The following LSS variants were observed in gnomAD, a reference collection of about 807,000 sequenced individuals.
LSS encodes 2,3-epoxysqualene-lanosterol cyclase.
A neutral mutation model predicts 110.3 loss-of-function variants in LSS; 90 were observed. That is an observed-to-expected ratio of 0.82 (90% CI 0.69 to 0.97). The LOEUF (loss-of-function observed/expected upper bound fraction) is 0.97. Among genes scored for constraint, LSS ranks in the 50% least tolerant of loss-of-function variants. The pLI is 0.00. For synonymous variants in LSS, 433 were observed against 400.0 expected, an observed-to-expected ratio of 1.08 and a Z score of -0.98; for missense variants, 927 against 990.0, an observed-to-expected ratio of 0.94 and a Z score of 0.85.
chr21:46,203,592 G>A (rs1236095699), intron 17 of LSS, among the ~76,000 whole-genome samples: 1 of 152,214 alleles, frequency 6.6e-6, no homozygotes, highest in Non-Finnish European at 1.5e-5. Flanking sequence ...TTTTTTAAAA[G>A]GCCAATTCTC....
rs901652946 is a variant in LSS, at chr21:46,188,986, C to G, written c.*2118G>C. The G allele has an allele frequency of 2.8e-6, 1 of 351,904 alleles. No individual in the cohort carries two copies. Among genetic ancestry groups the G allele is most frequent in the Non-Finnish European group, 5.7e-6 (1 of 176,848 alleles). 21.8% of individuals were successfully genotyped at this position (351,904 alleles called of 1,614,324 possible). ...TTCCCTCAGGTAACTGGAGACGCAC[C>G]CTGCTACTCCTCACGTCACTCTTGT... On this transcript the variant is annotated 3_prime_UTR_variant, in exon 22 of 22. Coordinates refer to ENST00000397728, the MANE Select transcript of LSS (RefSeq NM_002340.6).
intron 3 of LSS, among the ~76,000 whole-genome samples, chr21:46,225,705 GTCTC>G (rs984084469): frequency 3.3e-5 from 5 of 151,130 alleles, no homozygotes; most frequent in South Asian, 2.1e-4. Flanking sequence ...GGCATAAGCT[GTCTC>G]TCTCTCTCTC....
At position 46,222,238 on chromosome 21, in the gene LSS, T is replaced by C. The variant is rs1310802337; in HGVS notation, c.429-263A>G. 4 of 546,450 alleles carry C rather than the reference T, an allele frequency of 7.3e-6. No homozygotes were observed. The African/African-American group carries it at 7.6e-5, about 10-fold the overall frequency. The allele number at this position is 546,450 out of a possible 1,614,324, so 33.9% of individuals were successfully genotyped here. A position where few individuals can be genotyped will look rare whatever the true frequency, so the allele number is the denominator to read the frequency against. ...CCACGCCTGAGTCAACACTTCTAGCTCAAGGGCGGTCCACTTTGGGCTATG... is the reference window on the plus strand; with the variant it reads ...CCACGCCTGAGTCAACACTTCTAGCCCAAGGGCGGTCCACTTTGGGCTATG... On this transcript the variant is annotated intron_variant, in intron 4 of 21. Transcript: ENST00000397728.
intron 3 of LSS, among the ~76,000 whole-genome samples, chr21:46,225,944 C>T (rs764519043): frequency 6.6e-6 from 1 of 152,132 alleles, no homozygotes; most frequent in Non-Finnish European, 1.5e-5. Flanking sequence ...TCTTTCATCT[C>T]TCTGTCTTGT....
At chr21:46,210,947 C>T (rs1426071938) in intron 11 of LSS, among the ~76,000 whole-genome samples, 2 of 152,138 alleles carry the variant, frequency 1.3e-5, no homozygotes, top group African/African-American at 2.4e-5. Context: ...AGACACACGT[C>T]GGGGAGACTC....
At position 46,206,858 on chromosome 21, in the gene LSS, T is replaced by C; in HGVS notation, c.1468-90A>G. ...CAGCGGAACTCTCTAGAGGCAACAC[T>C]AGGGCTGACAACCGATGGGGCAGGA... On this transcript the variant is annotated intron_variant, in intron 15 of 21. Coordinates refer to ENST00000397728, the MANE Select transcript of LSS (RefSeq NM_002340.6). 3 of 927,382 alleles carry C rather than the reference T, an allele frequency of 3.2e-6. No individual in the cohort carries two copies. The South Asian group carries it at 3.9e-5, about 12-fold the overall frequency. 57.4% of individuals were successfully genotyped at this position (927,382 alleles called of 1,614,324 possible).
In LSS at chr21:46,191,791, A is replaced by G. The variant is rs1301743625; in HGVS notation, c.2067+90T>C. 6.2e-6 allele frequency: 7 copies of G among 1,136,486 alleles called. 1 individual carries two copies. The East Asian group carries it at 1.8e-4, about 29-fold the overall frequency. The allele number at this position is 1,136,486 out of a possible 1,614,324, so 70.4% of individuals were successfully genotyped here. On this transcript the variant is annotated intron_variant, in intron 21 of 21. Coordinates refer to ENST00000397728, the MANE Select transcript of LSS (RefSeq NM_002340.6). ...CCTCCCAAGTGTCCAAAGTACCCCA[A>G]AAAGGACACAGAGCAGGGGGACGTG... is the stretch of plus-strand genomic sequence containing the variant.
intron 12 of LSS, among the ~76,000 whole-genome samples, chr21:46,210,103 G>A (rs549676307): frequency 4.7e-3 from 549 of 117,904 alleles, no homozygotes; most frequent in Non-Finnish European, 7.3e-3. Context: ...GCCTCTCTCT[G>A]TCACCCAGGC....
intron 11 of LSS, among the ~76,000 whole-genome samples, 192 bp downstream of exon 11, chr21:46,212,833 A>C (rs1001816903): frequency 6.6e-6 from 1 of 152,202 alleles, no homozygotes; most frequent in African/African-American, 2.4e-5. Context: ...AGACATCGAG[A>C]ACGGTGGGCA....
chr21:46,208,997 G>T (rs1188207613), intron 13 of LSS, among the ~76,000 whole-genome samples: 2 of 152,320 alleles, frequency 1.3e-5, no homozygotes, highest in South Asian at 4.1e-4. Context: ...GCCGGGACAG[G>T]GTGTGGGAGA....
At chr21:46,210,820 G>A in intron 11 of LSS, 76 bp from the exon 12 acceptor site, 1 of 1,397,266 alleles carries the variant, frequency 7.2e-7, no homozygotes, top group Non-Finnish European at 1.0e-6. Context: ...GGATCCAATG[G>A]GCGCCTGAGG....
chr21:46,192,155 G>C, intron 20 of LSS, 196 bp from the exon 21 acceptor site: 1 of 620,108 alleles, frequency 1.6e-6, no homozygotes, highest in East Asian at 2.7e-5. Flanking sequence ...TAGGCTCCCT[G>C]AGAAGCGGAG....
At chr21:46,199,315 G>GGA (rs1412888961) in intron 17 of LSS, among the ~76,000 whole-genome samples, 2 of 152,196 alleles carry the variant, frequency 1.3e-5, no homozygotes, top group Non-Finnish European at 2.9e-5. Flanking sequence ...ATTGAAACAA[G>GGA]GAGATACCAC....
intron 17 of LSS, among the ~76,000 whole-genome samples, chr21:46,199,296 G>C (rs946052677): frequency 6.6e-6 from 1 of 152,206 alleles, no homozygotes; most frequent in Non-Finnish European, 1.5e-5. Flanking sequence ...TGTCATTAGG[G>C]AATTGCAAAT....
intron 2 of LSS, 113 bp downstream of exon 2, chr21:46,228,321 G>T: frequency 7.8e-7 from 1 of 1,275,574 alleles, no homozygotes; most frequent in Non-Finnish European, 1.1e-6. Flanking sequence ...CTCGCCTTGG[G>T]GATGGGCGTC....
chr21:46,215,290 TGAG>T lies in LSS; in HGVS notation c.898_900del (p.Leu300del), dbSNP rs1234063278. The T allele has an allele frequency of 6.2e-7, 1 of 1,606,464 alleles. No individual in the cohort carries two copies. Among genetic ancestry groups the T allele is most frequent in the African/African-American group, 1.3e-5 (1 of 74,798 alleles). Reference sequence around the variant, plus strand: ...GCACTGTGGTGGTGCTCATACAGGTTGAGGAGCGCTACAGGGGACAGGGGTCAG... The same window carrying T: ...GCACTGTGGTGGTGCTCATACAGGTTGAGCGCTACAGGGGACAGGGGTCAG... On this transcript the variant is annotated inframe_deletion, in exon 9 of 22. Transcript: ENST00000397728.
In LSS at chr21:46,189,057, C is replaced by G. The variant is rs957604262; in HGVS notation, c.*2047G>C. 2 of 277,214 alleles carry G rather than the reference C, an allele frequency of 7.2e-6. No homozygotes were observed. The highest frequency in any genetic ancestry group is 1.4e-5 in the Non-Finnish European group (2 of 139,284). 17.2% of individuals were successfully genotyped at this position (277,214 alleles called of 1,614,324 possible). ...TCCCACTCGCCCCACAGGCAGGTGA[C>G]GTATGACAGCCAGAAACCCCAAATC... On this transcript the variant is annotated 3_prime_UTR_variant, in exon 22 of 22. Coordinates refer to ENST00000397728, the MANE Select transcript of LSS (RefSeq NM_002340.6).
rs746148439 is a variant in LSS at position 46,228,463 on chromosome 21, G to A, written c.151C>T (p.Leu51=). ...TCCAGCCCCAGGGCGTAGGCTTCCAGGCCGGTCTGCTCGCGGCCGGCGCGC... is the reference window on the plus strand; with the variant it reads ...TCCAGCCCCAGGGCGTAGGCTTCCAAGCCGGTCTGCTCGCGGCCGGCGCGC... The part of the protein sequence containing the change: ...DERAGREQTG[L]EAYALGLDTK... The change falls in exon 2 of 22, where the codon CTG becomes TTG. Residue 51 remains leucine (L), a synonymous_variant. Transcript: ENST00000397728. 2 of 1,603,788 alleles carry A rather than the reference G, an allele frequency of 1.2e-6. No homozygotes were observed. Among genetic ancestry groups the A allele is most frequent in the East Asian group, 2.2e-5 (1 of 44,848 alleles).
chr21:46,228,762 TACGCCGCCC>T lies in LSS; in HGVS notation c.-26_-18del. ...CTCCGTCATTGCTGCTGCAGTGCTC[TACGCCGCCC>T]ACTGCCAGCTGCCAGATGTCCGCAC... is the stretch of plus-strand genomic sequence containing the variant. On this transcript the variant is annotated 5_prime_UTR_variant, in exon 1 of 22. Transcript: ENST00000397728. The T allele has an allele frequency of 1.3e-6, 2 of 1,573,564 alleles. No homozygotes were observed. Among genetic ancestry groups the T allele is most frequent in the East Asian group, 4.7e-5 (2 of 42,236 alleles).
Sources: gnomAD v4.1 joint callset for allele counts (sites outside exome capture counted in the v4.1 genomes callset) on GRCh38, gnomAD v4.1.1 for gene constraint, MANE v1.5 for transcripts, NCBI Gene and HGNC (gene_info 2026-07-23, HGNC 2026-07-21) for gene names.